The following OSBPL1A variants were observed in gnomAD, a reference collection of about 807,000 sequenced individuals.
The protein encoded by OSBPL1A is oxysterol-binding protein-related protein 1.
Under a neutral mutation model 137.1 loss-of-function variants are expected in OSBPL1A, and 80 were observed. That is an observed-to-expected ratio of 0.58 (90% CI 0.49 to 0.70). The LOEUF is 0.70. Among genes scored for constraint, OSBPL1A ranks in the 30% least tolerant of loss-of-function variants. The pLI, the probability that OSBPL1A is intolerant of heterozygous loss-of-function variation, is 0.00. For missense variants in OSBPL1A, 970 were observed against 1,129.4 expected (o/e 0.86, Z 2.02); for synonymous variants, 365 against 389.7 (o/e 0.94, Z 0.75).
chr18:24,262,305 G>A (rs111689114), intron 15 of OSBPL1A, among the ~76,000 whole-genome samples: 28 of 152,060 alleles, frequency 1.8e-4, no homozygotes, highest in African/African-American at 5.8e-4. Context: ...TCTCATCATG[G>A]TTGCAAAGCT....
At chr18:24,257,333 C>A (rs1007839474) in intron 15 of OSBPL1A, among the ~76,000 whole-genome samples, 2 of 152,138 alleles carry the variant, frequency 1.3e-5, no homozygotes, top group Non-Finnish European at 2.9e-5. Context: ...CTCACACTCA[C>A]AGTGAACTAA....
intron 18 of OSBPL1A, among the ~76,000 whole-genome samples, chr18:24,189,964 T>C (rs1015745264): frequency 6.6e-6 from 1 of 152,224 alleles, no homozygotes; most frequent in Non-Finnish European, 1.5e-5. Context: ...AACCACAGTG[T>C]GGGCACCTCA....
intron 17 of OSBPL1A, among the ~76,000 whole-genome samples, chr18:24,215,039 G>A (rs1386510467): frequency 6.6e-6 from 1 of 152,222 alleles, no homozygotes; most frequent in African/African-American, 2.4e-5. Flanking sequence ...TTTCTAGGAA[G>A]GGAGTTGAGT....
At chr18:24,207,509 T>C (rs1436952582) in intron 17 of OSBPL1A, among the ~76,000 whole-genome samples, 2 of 152,232 alleles carry the variant, frequency 1.3e-5, no homozygotes, top group African/African-American at 4.8e-5. Context: ...TAGCAGAATA[T>C]TGATCTGTAT....
At chr18:24,375,016 G>GCTA (rs1905980631) in intron 2 of OSBPL1A, among the ~76,000 whole-genome samples, 1 of 152,066 alleles carries the variant, frequency 6.6e-6, no homozygotes, top group African/African-American at 2.4e-5. Context: ...TATCAAAAAG[G>GCTA]CTACTAAAAA....
At chr18:24,321,153 T>C (rs1051658737) in intron 7 of OSBPL1A, among the ~76,000 whole-genome samples, 1 of 152,190 alleles carries the variant, frequency 6.6e-6, no homozygotes, top group Non-Finnish European at 1.5e-5. Context: ...ATTGTGCTTA[T>C]GTTTTTTAAT....
In OSBPL1A at chr18:24,344,863, G is replaced by A. The variant is rs1336412486; in HGVS notation, c.283-3205C>T. On this transcript the variant is annotated intron_variant, in intron 4 of 27. Coordinates refer to ENST00000319481, the MANE Select transcript of OSBPL1A (RefSeq NM_080597.4). ...CGGTCTAGCTCTGTCAGCCAGGCTAGAATGCAGTGGCACTACCTCGGCTCA... is the reference window on the plus strand; with the variant it reads ...CGGTCTAGCTCTGTCAGCCAGGCTAAAATGCAGTGGCACTACCTCGGCTCA... Among the ~76,000 whole-genome samples the A allele has an allele frequency of 3.3e-5, 5 of 152,218 alleles. No homozygotes were observed. The East Asian group carries it at 9.6e-4, about 29-fold the overall frequency.
intron 4 of OSBPL1A, among the ~76,000 whole-genome samples, chr18:24,361,934 T>C (rs1317134713): frequency 1.3e-5 from 2 of 148,366 alleles, no homozygotes; most frequent in Middle Eastern, 3.2e-3. Flanking sequence ...GAGGCGGAGA[T>C]TGCAGTGAAG....
At chr18:24,209,746 C>T (rs529769472) in intron 17 of OSBPL1A, among the ~76,000 whole-genome samples, 2 of 152,276 alleles carry the variant, frequency 1.3e-5, no homozygotes, top group African/African-American at 4.8e-5. Flanking sequence ...AGTCAAGACA[C>T]GGTGTTGAGT....
intron 4 of OSBPL1A, among the ~76,000 whole-genome samples, chr18:24,345,660 T>C (rs955377258): frequency 2.6e-5 from 4 of 152,060 alleles, no homozygotes; most frequent in Non-Finnish European, 4.4e-5. Context: ...CTCTCCAGCC[T>C]GGGCAACAAA....
At chr18:24,324,603 T>TTAAA (rs1568028205) in intron 7 of OSBPL1A, among the ~76,000 whole-genome samples, 1 of 5,652 alleles carries the variant, frequency 1.8e-4, no homozygotes, top group African/African-American at 1.5e-3. Flanking sequence ...AATATGAATA[T>TTAAA]AAAAAAAAAA....
At chr18:24,328,656 C>T (rs958681240) in intron 7 of OSBPL1A, among the ~76,000 whole-genome samples, 1 of 152,080 alleles carries the variant, frequency 6.6e-6, no homozygotes, top group Non-Finnish European at 1.5e-5. Context: ...ACACAGTGAA[C>T]CAGAGAGCCT....
At chr18:24,211,755 G>A (rs1288398835) in intron 17 of OSBPL1A, among the ~76,000 whole-genome samples, 1 of 152,020 alleles carries the variant, frequency 6.6e-6, no homozygotes, top group African/African-American at 2.4e-5. Context: ...CTTGAGGTCA[G>A]GAGTTCGAGG....
At chr18:24,352,882 G>T (rs529650310) in intron 4 of OSBPL1A, among the ~76,000 whole-genome samples, 1,982 of 152,244 alleles carry the variant, frequency 0.013, 37 homozygotes, top group African/African-American at 0.039. Flanking sequence ...GCTGAAACTG[G>T]ATCCCTTCCT....
intron 21 of OSBPL1A, among the ~76,000 whole-genome samples, chr18:24,172,759 A>G (rs1399642021): frequency 6.6e-6 from 1 of 152,228 alleles, no homozygotes; most frequent in Admixed American, 6.5e-5. Context: ...TAAGCATTCA[A>G]AAGTGTCATG....
At chr18:24,265,891 A>G (rs543694653) in intron 15 of OSBPL1A, among the ~76,000 whole-genome samples, 93 of 152,224 alleles carry the variant, frequency 6.1e-4, no homozygotes, top group African/African-American at 2.1e-3. Flanking sequence ...ACTGCTTCCC[A>G]TCGGGGTTTC....
intron 15 of OSBPL1A, among the ~76,000 whole-genome samples, chr18:24,255,243 A>C (rs930757197): frequency 3.9e-5 from 6 of 152,226 alleles, no homozygotes; most frequent in Non-Finnish European, 7.3e-5. Flanking sequence ...CTGGGACCTG[A>C]AGGCTTCACT....
At chr18:24,191,111 G>A (rs551805189) in intron 18 of OSBPL1A, among the ~76,000 whole-genome samples, 91 of 152,194 alleles carry the variant, frequency 6.0e-4, no homozygotes, top group Non-Finnish European at 1.8e-4. Flanking sequence ...ATTGAGATCG[G>A]AGAGCTTGGG....
intron 4 of OSBPL1A, among the ~76,000 whole-genome samples, chr18:24,365,916 G>A (rs1158273064): frequency 6.6e-6 from 1 of 152,150 alleles, no homozygotes. Flanking sequence ...AATTAGTTCT[G>A]CAGCAAATAC....
Sources: gnomAD v4.1 joint callset for allele counts (sites outside exome capture counted in the v4.1 genomes callset) on GRCh38, gnomAD v4.1.1 for gene constraint, MANE v1.5 for transcripts, NCBI Gene and HGNC (gene_info 2026-07-23, HGNC 2026-07-21) for gene names.